Variants in CELF2 observed in about 807,000 individuals in gnomAD.
The protein encoded by CELF2 is CUG triplet repeat RNA-binding protein 2.
A neutral mutation model predicts 62.6 loss-of-function variants in CELF2; 8 were observed. The observed-to-expected ratio is 0.13, with a 90% confidence interval of 0.07 to 0.23. The LOEUF is 0.23. Among genes scored for constraint, CELF2 ranks in the 10% least tolerant of loss-of-function variants. The probability of loss-of-function intolerance (pLI) is 1.00; values close to 1 mark genes in which losing one functional copy is unlikely to be tolerated. For synonymous variants in CELF2, 258 were observed against 250.0 expected, an observed-to-expected ratio of 1.03 and a Z score of -0.30; for missense variants, 333 against 671.0, an observed-to-expected ratio of 0.50 and a Z score of 5.56.
Position 10,858,674 on chromosome 10 carries a change from C to T in CELF2, c.53+59857C>T, listed in dbSNP as rs2059888049. ...TTTGCAGTCCATTATCCAGTGCCAG[C>T]ACATAGTACTTGATAATAAATTGTT... On this transcript the variant is annotated intron_variant, in intron 1 of 13. Transcript: ENST00000636488. Among the ~76,000 whole-genome samples, 3 of 151,608 alleles carry T rather than the reference C, an allele frequency of 2.0e-5. No homozygotes were observed. The South Asian group carries it at 6.2e-4, about 31-fold the overall frequency.
intron 1 of CELF2, among the ~76,000 whole-genome samples, chr10:10,852,274 A>G (rs755346347): frequency 1.3e-5 from 2 of 152,244 alleles, no homozygotes; most frequent in Admixed American, 6.5e-5. Flanking sequence ...AAAGAAACAA[A>G]CTATGGGTTT....
At chr10:10,912,598 G>T (rs77157593) in intron 1 of CELF2, among the ~76,000 whole-genome samples, 2 of 152,098 alleles carry the variant, frequency 1.3e-5, no homozygotes. Flanking sequence ...TTGATCTCTT[G>T]ACCTTGTGAT....
At chr10:10,954,218 TTA>T (rs1254494297) in intron 2 of CELF2, among the ~76,000 whole-genome samples, 2 of 20,550 alleles carry the variant, frequency 9.7e-5, no homozygotes, top group African/African-American at 2.1e-4. Flanking sequence ...TTATTTATTA[TTA>T]TTATTATTAT....
At chr10:11,083,856 G>T (rs1159183161) in intron 1 of CELF2, among the ~76,000 whole-genome samples, 2 of 152,320 alleles carry the variant, frequency 1.3e-5, no homozygotes, top group South Asian at 2.1e-4. Context: ...ATCAGAAAGT[G>T]TACGGAGAGG....
the CELF2 span, among the ~76,000 whole-genome samples, chr10:10,785,511 A>C: frequency 6.8e-6 from 1 of 147,082 alleles, no homozygotes; most frequent in Non-Finnish European, 1.5e-5. Flanking sequence ...TTAAAATGTG[A>C]TATATATATA....
At chr10:10,643,403 C>G in the CELF2 span, among the ~76,000 whole-genome samples, 1 of 152,122 alleles carries the variant, frequency 6.6e-6, no homozygotes, top group Admixed American at 6.5e-5. Context: ...TGCACATGCT[C>G]TCTTGCCTAC....
intron 1 of CELF2, among the ~76,000 whole-genome samples, chr10:11,090,126 A>G (rs1305698324): frequency 6.6e-6 from 1 of 151,918 alleles, no homozygotes; most frequent in Non-Finnish European, 1.5e-5. Flanking sequence ...CCTCAGCATC[A>G]CGCAATATAC....
chr10:11,135,215 A>T (rs2132004135), intron 1 of CELF2, among the ~76,000 whole-genome samples: 1 of 152,308 alleles, frequency 6.6e-6, no homozygotes, highest in East Asian at 1.9e-4. Context: ...CTTAACTTAA[A>T]ATACTGCCGT....
chr10:10,803,482 A>C (rs1403728443), intron 1 of CELF2, among the ~76,000 whole-genome samples: 1 of 152,186 alleles, frequency 6.6e-6, no homozygotes, highest in Admixed American at 6.5e-5. Flanking sequence ...TTCCTTAGCT[A>C]TTGGCAGGGT....
At chr10:10,880,767 C>T (rs1157255927) in intron 1 of CELF2, among the ~76,000 whole-genome samples, 1 of 152,114 alleles carries the variant, frequency 6.6e-6, no homozygotes, top group Non-Finnish European at 1.5e-5. Context: ...TGTTTTTTGT[C>T]TTAACCAAAA....
the CELF2 span, among the ~76,000 whole-genome samples, chr10:10,557,391 A>G: frequency 6.6e-6 from 1 of 150,696 alleles, no homozygotes; most frequent in Non-Finnish European, 1.5e-5. Flanking sequence ...CCATTGATCT[A>G]TATCTCTGTT....
Position 11,329,124 on chromosome 10 carries a change from A to C in CELF2, c.*71A>C. ...TAAGTCCCACGAGCCAGCCTGTCTC[A>C]ACAGGGAAGGCAGAGGAGGACCACA... On this transcript the variant is annotated 3_prime_UTR_variant, in exon 13 of 13. Transcript: ENST00000633077. This position sits in a 1 kb window ranked among gnomAD's most constrained non-coding sequence, Gnocchi z 5.5. 2.7e-6 allele frequency: 4 copies of C among 1,493,250 alleles called. No individual in the cohort carries two copies. The highest frequency in any genetic ancestry group is 3.6e-6 in the Non-Finnish European group (4 of 1,106,188). 92.5% of individuals were successfully genotyped at this position (1,493,250 alleles called of 1,614,324 possible).
chr10:11,199,702 G>A (rs939944925), intron 2 of CELF2, among the ~76,000 whole-genome samples: 9 of 152,324 alleles, frequency 5.9e-5, no homozygotes, highest in Middle Eastern at 3.4e-3. Flanking sequence ...CTGCTGAGAG[G>A]CAAGAAGTTA....
At chr10:11,070,435 C>T (rs975953132) in intron 1 of CELF2, among the ~76,000 whole-genome samples, 13 of 152,104 alleles carry the variant, frequency 8.5e-5, no homozygotes, top group African/African-American at 2.9e-4. Context: ...AAGCAGAGGA[C>T]GGGCATTGTC....
intron 1 of CELF2, among the ~76,000 whole-genome samples, chr10:11,122,000 A>T (rs75693763): frequency 0.017 from 2,531 of 152,334 alleles, 41 homozygotes; most frequent in African/African-American, 0.033. Flanking sequence ...ATGATGGCAG[A>T]TTATGAGTTC....
At chr10:11,026,390 A>G (rs1354751787) in intron 1 of CELF2, among the ~76,000 whole-genome samples, 4 of 152,198 alleles carry the variant, frequency 2.6e-5, no homozygotes, top group Non-Finnish European at 5.9e-5. Context: ...CCCGCCACAC[A>G]CACCCAGGTG....
chr10:10,494,604 A>G, the CELF2 span, among the ~76,000 whole-genome samples: 2 of 152,150 alleles, frequency 1.3e-5, no homozygotes, highest in African/African-American at 2.4e-5. Context: ...TCCTCAGATC[A>G]TTTTTTTATA....
rs535794465 is a variant in CELF2 at position 10,909,258 on chromosome 10, C to T, written c.54-10706C>T. ...TGCCTAAAAGGGAGCAAATCTGTTC[C>T]TCACTTCAGGGTATCTGGGGGAGGC... On this transcript the variant is annotated intron_variant, in intron 1 of 13. Transcript: ENST00000636488. Among the ~76,000 whole-genome samples, 3 of 152,308 alleles carry T rather than the reference C, an allele frequency of 2.0e-5. No homozygotes were observed. In the East Asian group the frequency reaches 5.8e-4, roughly 29 times the overall value.
chr10:11,261,416 G>GC (rs1006947925), intron 5 of CELF2, among the ~76,000 whole-genome samples: 2 of 56,652 alleles, frequency 3.5e-5, no homozygotes, highest in African/African-American at 9.4e-5. Context: ...CGGAATCACT[G>GC]CCTTTTTTTT....
Sources: gnomAD v4.1 joint callset for allele counts (sites outside exome capture counted in the v4.1 genomes callset) on GRCh38, gnomAD v4.1.1 for gene constraint, Gnocchi (gnomAD v3.1) non-coding constraint, MANE v1.5 for transcripts, NCBI Gene and HGNC (gene_info 2026-07-23, HGNC 2026-07-21) for gene names.